The following ARMH3 variants were observed in gnomAD, a reference collection of about 807,000 sequenced individuals.
ARMH3 encodes the protein armadillo like helical domain containing 3, also known as armadillo-like helical domain-containing protein 3.
In ARMH3, 60 loss-of-function variants were observed where a neutral mutation model predicts 99.1. The ratio of observed to expected loss-of-function variants is 0.61; its 90% CI spans 0.49 to 0.75. ARMH3 has a LOEUF of 0.75. Among genes scored for constraint, ARMH3 ranks in the 30% least tolerant of loss-of-function variants. The pLI is 0.00. For missense variants in ARMH3, 679 were observed against 843.1 expected, an observed-to-expected ratio of 0.81 and a Z score of 2.41; for synonymous variants, 285 against 292.8, an observed-to-expected ratio of 0.97 and a Z score of 0.27.
At chr10:101,943,569 G>C (rs960772105) in intron 22 of ARMH3, among the ~76,000 whole-genome samples, 1 of 152,010 alleles carries the variant, frequency 6.6e-6, no homozygotes, top group East Asian at 1.9e-4. Context: ...AAAAGAAACA[G>C]AACAAAATCC....
In ARMH3 at chr10:101,889,267, A is replaced by G. The variant is rs1020585077; in HGVS notation, c.1860+145T>C. On this transcript the variant is annotated intron_variant, in intron 24 of 25. Coordinates refer to ENST00000370033, the MANE Select transcript of ARMH3 (RefSeq NM_024541.3). ...TCACTCTGTATTAAAAGTACTATCA[A>G]CCAACCCCACACTAATTCCTCTCAG... The G allele has an allele frequency of 3.7e-6, 3 of 804,454 alleles. No individual in the cohort carries two copies. The African/African-American group carries it at 5.1e-5, about 14-fold the overall frequency. 49.8% of individuals were successfully genotyped at this position (804,454 alleles called of 1,614,324 possible).
In ARMH3 at chr10:101,939,904, C is replaced by G. The variant is rs747166513; in HGVS notation, c.1740G>C (p.Lys580Asn). The G allele has an allele frequency of 6.2e-7, 1 of 1,613,818 alleles. No homozygotes were observed. The highest frequency in any genetic ancestry group is 2.2e-5 in the East Asian group (1 of 44,888). The change falls in exon 23 of 26, where the codon AAG becomes AAC. Residue 580 changes from lysine (K) to asparagine (N), a missense_variant. By Grantham distance (94) the Lys-to-Asn change is moderately conservative (BLOSUM62 0). Around this residue, in one of 3 missense-constraint regions of ARMH3, gnomAD observed 389 missense variants for 456.5 expected, o/e 0.85. Coordinates refer to ENST00000370033, the MANE Select transcript of ARMH3 (RefSeq NM_024541.3). The part of the protein sequence containing the change: ...LRLSTNAGQW[K>N]EAASKVTHAL... ...CATGGGTCACCTTGCTAGCTGCTTCCTTCCACTGGCCTGCATTGGTAGAAA... is the reference window on the plus strand; with the variant it reads ...CATGGGTCACCTTGCTAGCTGCTTCGTTCCACTGGCCTGCATTGGTAGAAA...
At chr10:102,046,130 A>G (rs1453082377) in intron 1 of ARMH3, among the ~76,000 whole-genome samples, 1 of 151,924 alleles carries the variant, frequency 6.6e-6, no homozygotes, top group Admixed American at 6.6e-5. Context: ...ACCAGAGTCT[A>G]TTTAGCTCTT....
At chr10:101,852,171 C>A (rs1005470448) in intron 24 of ARMH3, among the ~76,000 whole-genome samples, 1 of 152,164 alleles carries the variant, frequency 6.6e-6, no homozygotes, top group Non-Finnish European at 1.5e-5. Context: ...GTGTCAAGTG[C>A]CAAAGGACAA....
intron 20 of ARMH3, among the ~76,000 whole-genome samples, chr10:101,959,565 G>A (rs981584443): frequency 6.6e-6 from 1 of 152,174 alleles, no homozygotes; most frequent in Non-Finnish European, 1.5e-5. Flanking sequence ...GTAATTAAAG[G>A]GCAGGAAACC....
intron 20 of ARMH3, among the ~76,000 whole-genome samples, 163 bp downstream of exon 20, chr10:101,975,049 T>A (rs1402455638): frequency 0.011 from 322 of 29,578 alleles, no homozygotes; most frequent in African/African-American, 0.014. Flanking sequence ...AGCTAAAACG[T>A]AAAAAAAAAA....
intron 2 of ARMH3, among the ~76,000 whole-genome samples, chr10:102,039,297 A>G (rs1202591674): frequency 6.6e-6 from 1 of 151,992 alleles, no homozygotes; most frequent in Non-Finnish European, 1.5e-5. Flanking sequence ...GGAGCGCACC[A>G]CCATGCCCGG....
At chr10:101,899,204 T>C (rs1046044431) in intron 23 of ARMH3, among the ~76,000 whole-genome samples, 2 of 152,178 alleles carry the variant, frequency 1.3e-5, no homozygotes, top group Non-Finnish European at 2.9e-5. Flanking sequence ...CTAAGGAATT[T>C]TTTTTCCCCC....
intron 6 of ARMH3, among the ~76,000 whole-genome samples, chr10:102,024,632 GA>G (rs2066959622): frequency 6.7e-6 from 1 of 148,784 alleles, no homozygotes; most frequent in Non-Finnish European, 1.5e-5. Context: ...CCAACATGGC[GA>G]AACCCCATCT....
chr10:101,978,889 A>C (rs1045347924), intron 19 of ARMH3, among the ~76,000 whole-genome samples: 1 of 152,076 alleles, frequency 6.6e-6, no homozygotes, highest in Non-Finnish European at 1.5e-5. Context: ...GCAGTGAGCC[A>C]AGATGGCGCC....
intron 24 of ARMH3, among the ~76,000 whole-genome samples, 198 bp from the exon 25 acceptor site, chr10:101,850,090 CTTTTTT>C (rs754571008): frequency 0.23 from 20,583 of 91,228 alleles, 1,601 homozygotes; most frequent in Non-Finnish European, 0.28. Flanking sequence ...CTCTCTCTCT[CTTTTTT>C]TTTTTTTTTT....
intron 23 of ARMH3, 24 bp from the exon 24 acceptor site, chr10:101,889,514 T>A: frequency 1.3e-6 from 2 of 1,583,924 alleles, no homozygotes; most frequent in South Asian, 1.1e-5. Flanking sequence ...TTCGTATTAA[T>A]ATGGTGCCAG....
chr10:102,007,167 A>AAAAAAAG (rs1472844263), intron 13 of ARMH3, among the ~76,000 whole-genome samples: 1 of 149,138 alleles, frequency 6.7e-6, no homozygotes, highest in Non-Finnish European at 1.5e-5. Context: ...CTCAAAAAAA[A>AAAAAAAG]AAAAAAAAAA....
At position 101,921,321 on chromosome 10, in the gene ARMH3, G is replaced by C. The variant is rs987658972; in HGVS notation, c.1781+18542C>G. Among the ~76,000 whole-genome samples the C allele has an allele frequency of 2.0e-5, 3 of 152,118 alleles. No homozygotes were observed. The East Asian group carries it at 5.8e-4, about 29-fold the overall frequency. ...AACTAATTTGTGGTGACAGAAATCA[G>C]GAGAGGGCATAGTTCTGGGGAAAGG... is the stretch of plus-strand genomic sequence containing the variant. On this transcript the variant is annotated intron_variant, in intron 23 of 25. Transcript: ENST00000370033.
intron 20 of ARMH3, among the ~76,000 whole-genome samples, chr10:101,966,289 T>A (rs866805376): frequency 8.6e-6 from 1 of 116,038 alleles, no homozygotes; most frequent in Admixed American, 8.2e-5. Flanking sequence ...GTTTGGGTTT[T>A]TTTTTTTTTT....
At chr10:101,971,274 C>T (rs529468983) in intron 20 of ARMH3, among the ~76,000 whole-genome samples, 1 of 151,890 alleles carries the variant, frequency 6.6e-6, no homozygotes, top group Non-Finnish European at 1.5e-5. Context: ...CGCAGTGTGA[C>T]TAGTAAATAA....
chr10:101,862,048 CAA>C (rs34359012), intron 24 of ARMH3, among the ~76,000 whole-genome samples: 3 of 36,358 alleles, frequency 8.3e-5, no homozygotes, highest in African/African-American at 1.3e-4. Context: ...GATTCCCTCT[CAA>C]AAAAAAAAAA....
intron 1 of ARMH3, among the ~76,000 whole-genome samples, chr10:102,049,517 G>A (rs1185573688): frequency 6.6e-6 from 1 of 151,908 alleles, no homozygotes; most frequent in Non-Finnish European, 1.5e-5. Context: ...ACTCCAGCCT[G>A]GGGGATAGAG....
chr10:101,908,039 A>C (rs1435303397), intron 23 of ARMH3, among the ~76,000 whole-genome samples: 2 of 152,202 alleles, frequency 1.3e-5, no homozygotes, highest in Non-Finnish European at 2.9e-5. Flanking sequence ...CACCAGCCAC[A>C]TGTAGCTCCT....
Sources: gnomAD v4.1 joint callset for allele counts (sites outside exome capture counted in the v4.1 genomes callset) on GRCh38, gnomAD v4.1.1 for gene constraint, gnomAD v4.1.1 regional missense constraint, MANE v1.5 for transcripts, NCBI Gene and HGNC (gene_info 2026-07-23, HGNC 2026-07-21) for gene names.